Variants in GRIA3 observed in about 807,000 individuals in gnomAD.
GRIA3 encodes the protein glutamate ionotropic receptor AMPA type subunit 3.
A neutral mutation model predicts 63.0 loss-of-function variants in GRIA3; 3 were observed. The ratio of observed to expected loss-of-function variants is 0.05; its 90% CI spans 0.02 to 0.12. The LOEUF (loss-of-function observed/expected upper bound fraction) is 0.12, where lower values mean the gene tolerates loss of function less well. Ranked by LOEUF, GRIA3 falls within the 10% of genes least tolerant of loss-of-function variation. The pLI, the probability that GRIA3 is intolerant of heterozygous loss-of-function variation, is 1.00. For synonymous variants in GRIA3, 274 were observed against 257.9 expected (o/e 1.06, Z -0.60); for missense variants, 347 against 700.9 (o/e 0.50, Z 5.70).
intron 3 of GRIA3, among the ~76,000 whole-genome samples, chrX:123,277,870 T>C (rs1315211176): frequency 8.9e-6 from 1 of 111,751 alleles, no homozygotes; most frequent in Admixed American, 9.5e-5. Flanking sequence ...GATAATGATG[T>C]GGGGTGGGGC....
intron 2 of GRIA3, among the ~76,000 whole-genome samples, chrX:123,198,251 T>C (rs1213518368): frequency 1.8e-5 from 2 of 112,002 alleles, no homozygotes; most frequent in African/African-American, 6.5e-5. Context: ...AGCTACTAAA[T>C]GCATTCTAAT....
chrX:123,219,833 C>T (rs907287165), intron 2 of GRIA3, among the ~76,000 whole-genome samples: 2 of 112,539 alleles, frequency 1.8e-5, no homozygotes, highest in African/African-American at 6.5e-5. Flanking sequence ...GAGTAGCAGG[C>T]ACTAGGTGTG....
intron 3 of GRIA3, among the ~76,000 whole-genome samples, chrX:123,265,090 T>C (rs1433116648): frequency 4.5e-5 from 5 of 111,568 alleles, no homozygotes; most frequent in Non-Finnish European, 9.4e-5. Context: ...TGGAAGTGAA[T>C]GAAACAGAGT....
intron 3 of GRIA3, among the ~76,000 whole-genome samples, chrX:123,317,062 T>C (rs1221361537): frequency 9.0e-6 from 1 of 111,199 alleles, no homozygotes. Context: ...AGGCACTTCT[T>C]ACATGGTGGC....
intron 5 of GRIA3, among the ~76,000 whole-genome samples, chrX:123,358,187 C>G (rs752680513): frequency 9.0e-6 from 1 of 111,594 alleles, no homozygotes; most frequent in Admixed American, 9.5e-5. Context: ...GATGAGCCAG[C>G]TGGATGAAAG....
intron 3 of GRIA3, among the ~76,000 whole-genome samples, chrX:123,306,495 C>T (rs192687755): frequency 1.1e-3 from 128 of 111,979 alleles, no homozygotes; most frequent in Admixed American, 0.011. Flanking sequence ...ATATATGATA[C>T]ATTGGAAAGT....
Position 123,440,315 on chromosome X carries a change from A to G in GRIA3, c.2076+12176A>G, listed in dbSNP as rs1045966134. On this transcript the variant is annotated intron_variant, in intron 12 of 15. Coordinates refer to ENST00000620443, the MANE Select transcript of GRIA3 (RefSeq NM_007325.5). ...ATATTCCTCTGGGTATACACCCAGT[A>G]ATGGGATTGTGGAGTCAAATGGTAG... 3.1e-4 allele frequency among the ~76,000 whole-genome samples: 35 copies of G among 112,456 alleles called. No homozygotes were observed. The East Asian group carries it at 4.5e-3, about 14-fold the overall frequency.
intron 2 of GRIA3, among the ~76,000 whole-genome samples, chrX:123,238,421 A>G (rs2044312406): frequency 8.9e-6 from 1 of 111,743 alleles, no homozygotes; most frequent in Non-Finnish European, 1.9e-5. Context: ...TGAGGACACA[A>G]ATGTTGTAGA....
At chrX:123,405,044 ATTC>A (rs2147385046) in intron 10 of GRIA3, 130 bp downstream of exon 10, 1 of 550,042 alleles carries the variant, frequency 1.8e-6, no homozygotes, top group East Asian at 3.5e-5. Flanking sequence ...AGAAAAATAT[ATTC>A]TTCTACAGTT....
intron 2 of GRIA3, chrX:123,204,748 A>G (rs1479250396): frequency 1.6e-6 from 1 of 639,437 alleles, no homozygotes; most frequent in African/African-American, 2.3e-5. Flanking sequence ...AGATATGATA[A>G]AGAATTAACT....
rs188392168 is a variant in GRIA3 at position 123,438,932 on chromosome X, G to T, written c.2076+10793G>T. Among the ~76,000 whole-genome samples, 3 of 112,664 alleles carry T rather than the reference G, an allele frequency of 2.7e-5. No individual in the cohort carries two copies. The Admixed American group carries it at 2.8e-4, about 11-fold the overall frequency. ...ATAGATGTTTCTGCTTCAGTAGGAA[G>T]AGGGATGCTGGATAACTGGTGTTGG... On this transcript the variant is annotated intron_variant, in intron 12 of 15. Coordinates refer to ENST00000620443, the MANE Select transcript of GRIA3 (RefSeq NM_007325.5).
intron 12 of GRIA3, among the ~76,000 whole-genome samples, chrX:123,435,899 T>C (rs1258175180): frequency 8.9e-6 from 1 of 112,029 alleles, no homozygotes; most frequent in Non-Finnish European, 1.9e-5. Context: ...AGGGAGAATA[T>C]TCCTTGCTCT....
At chrX:123,217,984 G>A (rs892898577) in intron 2 of GRIA3, among the ~76,000 whole-genome samples, 1 of 112,719 alleles carries the variant, frequency 8.9e-6, no homozygotes, top group African/African-American at 3.2e-5. Flanking sequence ...TGATATAATC[G>A]TTTGGGGGAG....
chrX:123,463,693 A>G (rs2045815197), intron 12 of GRIA3, among the ~76,000 whole-genome samples: 1 of 41,050 alleles, frequency 2.4e-5, no homozygotes, highest in Non-Finnish European at 4.3e-5. Context: ...AGAGAGAGAA[A>G]GAAAGAAAAA....
intron 12 of GRIA3, among the ~76,000 whole-genome samples, chrX:123,453,537 T>TAATAAAA (rs1236525575): frequency 1.8e-5 from 2 of 110,372 alleles, no homozygotes; most frequent in East Asian, 5.6e-4. Flanking sequence ...ACTGAAAGTA[T>TAATAAAA]AATAAAAAAT....
intron 2 of GRIA3, among the ~76,000 whole-genome samples, chrX:123,239,430 G>T (rs2044318311): frequency 9.1e-6 from 1 of 110,336 alleles, no homozygotes; most frequent in East Asian, 2.8e-4. Context: ...AGGGAATTTT[G>T]CCATGCTAGC....
At chrX:123,184,916 AC>A in intron 1 of GRIA3, 1 of 457,181 alleles carries the variant, frequency 2.2e-6, no homozygotes, top group Non-Finnish European at 4.0e-6. Context: ...CGAGAGGAGC[AC>A]CGGAGGCGAG....
At chrX:123,342,506 C>T (rs1230804375) in intron 4 of GRIA3, among the ~76,000 whole-genome samples, 1 of 112,172 alleles carries the variant, frequency 8.9e-6, no homozygotes, top group East Asian at 2.8e-4. Flanking sequence ...CATTCATTTG[C>T]ATTCAGACAA....
chrX:123,384,620 GA>G (rs113215158), intron 5 of GRIA3, among the ~76,000 whole-genome samples: 10 of 107,370 alleles, frequency 9.3e-5, no homozygotes, highest in Admixed American at 5.9e-4. Flanking sequence ...GTGAGACTCT[GA>G]AAAAAAAAAG....
Sources: gnomAD v4.1 joint callset for allele counts (sites outside exome capture counted in the v4.1 genomes callset) on GRCh38, gnomAD v4.1.1 for gene constraint, MANE v1.5 for transcripts, NCBI Gene and HGNC (gene_info 2026-07-23, HGNC 2026-07-21) for gene names.